The following DOCK1 variants were observed in gnomAD, a reference collection of about 807,000 sequenced individuals.
DOCK1 encodes the protein dedicator of cytokinesis protein 1.
DOCK1 carries 138 observed loss-of-function variants against 262.7 expected under a neutral mutation model. The observed-to-expected ratio is 0.53, with a 90% CI of 0.46 to 0.61. The LOEUF (loss-of-function observed/expected upper bound fraction) is 0.61, where lower values mean the gene tolerates loss of function less well. Among genes scored for constraint, DOCK1 ranks in the 20% least tolerant of loss-of-function variants. DOCK1 has a pLI of 0.00. For synonymous variants in DOCK1, 866 were observed against 867.4 expected, an observed-to-expected ratio of 1.00 and a Z score of 0.03; for missense variants, 1,908 against 2,370.7, an observed-to-expected ratio of 0.80 and a Z score of 4.05.
At position 126,960,745 on chromosome 10, in the gene DOCK1, T is replaced by TATATATATATATATATATATATAC. The variant is rs1429186588; in HGVS notation, c.47-9956_47-9955insTATATATATATATATATATATACA. On this transcript the variant is annotated intron_variant, in intron 1 of 51. Transcript: ENST00000623213. ...TCAAATATATATATATATATATATA[T>TATATATATATATATATATATATAC]ACACACACACACACACAGACACATA... Among the ~76,000 whole-genome samples the TATATATATATATATATATATATAC allele has an allele frequency of 2.1e-3, 246 of 115,378 alleles. 1 individual carries two copies. Among genetic ancestry groups the TATATATATATATATATATATATAC allele is most frequent in the Middle Eastern group, 4.5e-3 (1 of 220 alleles). 75.7% of individuals were successfully genotyped at this position (115,378 alleles called of 152,430 possible).
At chr10:126,996,237 G>A (rs61160266) in intron 6 of DOCK1, among the ~76,000 whole-genome samples, 5,003 of 151,732 alleles carry the variant, frequency 0.033, 266 homozygotes, top group African/African-American at 0.11. Flanking sequence ...AAAATTAGCC[G>A]GGTGTGGTGG....
At chr10:127,155,263 C>A (rs2052925613) in intron 27 of DOCK1, among the ~76,000 whole-genome samples, 1 of 152,052 alleles carries the variant, frequency 6.6e-6, no homozygotes, top group Non-Finnish European at 1.5e-5. Context: ...TTGTCTGTTA[C>A]ATCAACATTT....
intron 30 of DOCK1, among the ~76,000 whole-genome samples, chr10:127,340,142 CAT>C (rs2063369369): frequency 1.3e-5 from 2 of 152,068 alleles, no homozygotes; most frequent in Admixed American, 1.3e-4. Flanking sequence ...TATCAGGTGC[CAT>C]ATATCTAAAC....
intron 27 of DOCK1, among the ~76,000 whole-genome samples, chr10:127,236,982 C>A (rs2059092152): frequency 6.6e-6 from 1 of 152,126 alleles, no homozygotes. Context: ...AGTGATTATT[C>A]CAAATTGTCT....
At chr10:127,301,269 T>C (rs1305527250) in intron 29 of DOCK1, among the ~76,000 whole-genome samples, 1 of 152,166 alleles carries the variant, frequency 6.6e-6, no homozygotes, top group East Asian at 1.9e-4. Flanking sequence ...GGGTTAATGA[T>C]TAGGTTTCTC....
chr10:127,040,659 G>C (rs1247420795), intron 19 of DOCK1, among the ~76,000 whole-genome samples: 1 of 152,192 alleles, frequency 6.6e-6, no homozygotes, highest in Non-Finnish European at 1.5e-5. Flanking sequence ...TTGGGAAGAG[G>C]CTGCACAGTC....
intron 31 of DOCK1, among the ~76,000 whole-genome samples, chr10:127,352,841 C>T (rs2063950765): frequency 6.6e-6 from 1 of 152,140 alleles, no homozygotes; most frequent in Non-Finnish European, 1.5e-5. Flanking sequence ...GATCCACCTG[C>T]CTCGGCCTCC....
intron 1 of DOCK1, among the ~76,000 whole-genome samples, chr10:126,915,631 G>T (rs1283875763): frequency 6.6e-6 from 1 of 152,078 alleles, no homozygotes; most frequent in Non-Finnish European, 1.5e-5. Flanking sequence ...ACTAACACGG[G>T]TTAGTAACAC....
chr10:127,131,390 G>A (rs753767790), intron 27 of DOCK1, among the ~76,000 whole-genome samples: 10 of 152,080 alleles, frequency 6.6e-5, no homozygotes, highest in Non-Finnish European at 1.2e-4. Context: ...AAAATCCTTG[G>A]AGTTTCTTTT....
At chr10:126,960,791 T>C (rs1043246131) in intron 1 of DOCK1, among the ~76,000 whole-genome samples, 18 of 140,820 alleles carry the variant, frequency 1.3e-4, no homozygotes, top group Admixed American at 1.4e-4. Context: ...TATGTGTATA[T>C]ACACACACAC....
At chr10:127,075,181 A>AAG (rs2046450826) in intron 23 of DOCK1, among the ~76,000 whole-genome samples, 1 of 149,188 alleles carries the variant, frequency 6.7e-6, no homozygotes, top group Non-Finnish European at 1.5e-5. Flanking sequence ...AAAAAAAAAA[A>AAG]AAAAAAAAAA....
In DOCK1 at chr10:127,127,719, C is replaced by T. The variant is rs771458330; in HGVS notation, c.2802C>T (p.Thr934=). 1.5e-5 allele frequency: 25 copies of T among 1,613,058 alleles called. No individual in the cohort carries two copies. The highest frequency in any genetic ancestry group is 6.7e-5 in the East Asian group (3 of 44,862). The change falls in exon 27 of 52, where the codon ACC becomes ACT. Residue 934 remains threonine, a synonymous_variant. Coordinates refer to ENST00000623213, the MANE Select transcript of DOCK1 (RefSeq NM_001290223.2). ...TTATCATGGAGAAACTTCTCCGGACCGTGAACCGAACCGTCATTTCCATGG... is the reference window on the plus strand; with the variant it reads ...TTATCATGGAGAAACTTCTCCGGACTGTGAACCGAACCGTCATTTCCATGG... The part of the protein sequence containing the change: ...VQIIMEKLLR[T]VNRTVISMGR...
At chr10:127,152,620 G>T (rs1307866734) in intron 27 of DOCK1, among the ~76,000 whole-genome samples, 3 of 152,216 alleles carry the variant, frequency 2.0e-5, no homozygotes, top group Non-Finnish European at 4.4e-5. Flanking sequence ...TGTGGGGGTT[G>T]CCCTGTGCAG....
At chr10:127,066,303 T>C (rs1239331443) in intron 23 of DOCK1, among the ~76,000 whole-genome samples, 1 of 152,168 alleles carries the variant, frequency 6.6e-6, no homozygotes, top group East Asian at 1.9e-4. Context: ...TGTGGTTTCA[T>C]GAACCACTGG....
chr10:127,029,490 G>A (rs1024345061), intron 16 of DOCK1, among the ~76,000 whole-genome samples: 1 of 152,226 alleles, frequency 6.6e-6, no homozygotes, highest in African/African-American at 2.4e-5. Flanking sequence ...GCACCAGACC[G>A]TGTGGTCCAC....
At chr10:127,267,399 G>C (rs984781103) in intron 29 of DOCK1, among the ~76,000 whole-genome samples, 4 of 152,136 alleles carry the variant, frequency 2.6e-5, no homozygotes, top group African/African-American at 9.7e-5. Context: ...AGTTTTACCT[G>C]GTTGTTTATA....
Position 127,079,476 on chromosome 10 carries a change from A to C in DOCK1, c.2445+17700A>C, listed in dbSNP as rs534739475. Among the ~76,000 whole-genome samples the C allele has an allele frequency of 4.5e-4, 68 of 152,350 alleles. 1 individual carries two copies. The highest frequency in any genetic ancestry group is 1.4e-3 in the Admixed American group (21 of 15,296). ...ATAGGCTGAAAAGGGCAAAGTGCTC[A>C]CCTTTGCTTGCATTGGGAAGTAATT... On this transcript the variant is annotated intron_variant, in intron 23 of 51. Transcript: ENST00000623213.
chr10:126,982,721 C>A (rs1038582158), intron 4 of DOCK1, among the ~76,000 whole-genome samples: 1 of 152,080 alleles, frequency 6.6e-6, no homozygotes, highest in East Asian at 1.9e-4. Flanking sequence ...TCCATAGTTC[C>A]ATGATGCATA....
At chr10:127,084,525 A>G (rs147431954) in intron 23 of DOCK1, among the ~76,000 whole-genome samples, 1 of 152,326 alleles carries the variant, frequency 6.6e-6, no homozygotes, top group Non-Finnish European at 1.5e-5. Context: ...ATTCTGTCCA[A>G]CAAGGCACAA....
Sources: gnomAD v4.1 joint callset for allele counts (sites outside exome capture counted in the v4.1 genomes callset) on GRCh38, gnomAD v4.1.1 for gene constraint, MANE v1.5 for transcripts, NCBI Gene and HGNC (gene_info 2026-07-23, HGNC 2026-07-21) for gene names.